ERO1B: variants seen among roughly 807,000 people sequenced by gnomAD.
The protein encoded by ERO1B is endoplasmic reticulum oxidoreductase 1 beta.
In ERO1B, 49 loss-of-function variants were observed where a neutral mutation model predicts 75.3. The ratio of observed to expected loss-of-function variants is 0.65; its 90% CI spans 0.52 to 0.83. The LOEUF (loss-of-function observed/expected upper bound fraction) is 0.83, where lower values mean the gene tolerates loss of function less well. Ranked by LOEUF, ERO1B falls within the 40% of genes least tolerant of loss-of-function variation. ERO1B has a pLI of 0.00. For missense variants in ERO1B, 512 were observed against 560.1 expected, an observed-to-expected ratio of 0.91 and a Z score of 0.87; for synonymous variants, 191 against 192.9, an observed-to-expected ratio of 0.99 and a Z score of 0.08.
chr1:236,276,364 AG>A (rs1447339108), intron 1 of ERO1B, among the ~76,000 whole-genome samples: 1 of 152,246 alleles, frequency 6.6e-6, no homozygotes, highest in African/African-American at 2.4e-5. Flanking sequence ...GATAAAGAGA[AG>A]AAAGAGTACA....
intron 8 of ERO1B, among the ~76,000 whole-genome samples, chr1:236,233,731 C>A (rs1558508606): frequency 6.6e-6 from 1 of 152,178 alleles, no homozygotes; most frequent in Non-Finnish European, 1.5e-5. Context: ...ATTATGCACA[C>A]AATCCTCTCT....
chr1:236,239,879 G>GTGTATA (rs1664651606), intron 6 of ERO1B, among the ~76,000 whole-genome samples: 1 of 43,456 alleles, frequency 2.3e-5, no homozygotes, highest in Admixed American at 2.6e-4. Flanking sequence ...ATGTGTATAT[G>GTGTATA]TGTGTGTGTG....
At chr1:236,246,909 T>C (rs1664898845) in intron 5 of ERO1B, among the ~76,000 whole-genome samples, 1 of 152,214 alleles carries the variant, frequency 6.6e-6, no homozygotes, top group African/African-American at 2.4e-5. Context: ...GAATAATTTC[T>C]GTTCAACAAC....
chr1:236,235,284 T>C (rs1462157001), intron 8 of ERO1B, among the ~76,000 whole-genome samples: 3 of 152,152 alleles, frequency 2.0e-5, no homozygotes, highest in Non-Finnish European at 2.9e-5. Flanking sequence ...TCCCAAGAAA[T>C]ACAGAATCAG....
chr1:236,219,299 C>G (rs1664075627), intron 15 of ERO1B, among the ~76,000 whole-genome samples: 2 of 152,140 alleles, frequency 1.3e-5, no homozygotes, highest in African/African-American at 4.8e-5. Flanking sequence ...GTTCATACCA[C>G]TACTAAAGGG....
At chr1:236,267,930 T>G (rs1665486263) in intron 2 of ERO1B, 1 of 151,630 alleles carries the variant, frequency 6.6e-6, no homozygotes, top group African/African-American at 2.4e-5. Flanking sequence ...GACCTGGTAT[T>G]GCAGTACTTC....
intron 6 of ERO1B, among the ~76,000 whole-genome samples, chr1:236,241,787 G>A (rs565964204): frequency 2.0e-5 from 3 of 151,658 alleles, no homozygotes; most frequent in African/African-American, 7.3e-5. Context: ...TAGTTAACAC[G>A]GCCAGGTGCA....
chr1:236,255,146 G>A (rs1459665928), intron 2 of ERO1B, among the ~76,000 whole-genome samples: 3 of 150,860 alleles, frequency 2.0e-5, no homozygotes, highest in Non-Finnish European at 4.4e-5. Context: ...ATGTTTCCCA[G>A]GTTGGGCTGG....
In ERO1B at chr1:236,253,439, C is replaced by T. The variant is rs763179842; in HGVS notation, c.289G>A (p.Val97Met). ...DGHCSIKDCH[V>M]EPCPESKIPV... Reference sequence around the variant, plus strand: ...TATTATACCTCTGGACAGGGCTCCACATGACAGTCTTTTATTGAACAGTGG... The same window carrying T: ...TATTATACCTCTGGACAGGGCTCCATATGACAGTCTTTTATTGAACAGTGG... Residue 97 changes from valine to methionine, a missense_variant, in exon 3 of 16, where the codon GTG (valine) becomes ATG (methionine). Coordinates refer to ENST00000354619, the MANE Select transcript of ERO1B (RefSeq NM_019891.4). 4.4e-6 allele frequency: 7 copies of T among 1,608,824 alleles called. No individual in the cohort carries two copies. The highest frequency in any genetic ancestry group is 5.1e-6 in the Non-Finnish European group (6 of 1,176,446).
chr1:236,222,925 G>T (rs1300277194), intron 13 of ERO1B, among the ~76,000 whole-genome samples: 1 of 152,158 alleles, frequency 6.6e-6, no homozygotes, highest in Non-Finnish European at 1.5e-5. Context: ...TCCCACACTG[G>T]TCAGGCAGGG....
rs540105402 is a variant in ERO1B at position 236,221,322 on chromosome 1, TA to T, written c.1210-358del. The stretch of plus-strand genomic sequence containing the variant: ...CAATTCAAAACTCAGAGATTATTGA[TA>T]CCCACACTTAATAATTTCTCAATTA... On this transcript the variant is annotated intron_variant, in intron 14 of 15. Coordinates refer to ENST00000354619, the MANE Select transcript of ERO1B (RefSeq NM_019891.4). Among the ~76,000 whole-genome samples the T allele has an allele frequency of 2.4e-3, 368 of 152,108 alleles. 3 individuals carry two copies. The highest frequency in any genetic ancestry group is 8.5e-3 in the African/African-American group (353 of 41,532).
intron 1 of ERO1B, among the ~76,000 whole-genome samples, chr1:236,272,310 A>G (rs1665609191): frequency 6.6e-6 from 1 of 152,168 alleles, no homozygotes. Flanking sequence ...TCACGTAGTC[A>G]AGTACCCATC....
chr1:236,256,866 A>C (rs1256457596), intron 2 of ERO1B, among the ~76,000 whole-genome samples: 1 of 152,116 alleles, frequency 6.6e-6, no homozygotes, highest in Non-Finnish European at 1.5e-5. Context: ...GAGAACAAAC[A>C]GGTGACTTTT....
intron 10 of ERO1B, among the ~76,000 whole-genome samples, chr1:236,229,459 A>C (rs1222938846): frequency 6.6e-6 from 1 of 152,122 alleles, no homozygotes; most frequent in African/African-American, 2.4e-5. Context: ...ATAAGATAAC[A>C]TGACCAATTG....
At chr1:236,265,846 T>C (rs1572064738) in intron 2 of ERO1B, among the ~76,000 whole-genome samples, 1 of 152,350 alleles carries the variant, frequency 6.6e-6, no homozygotes, top group South Asian at 2.1e-4. Flanking sequence ...GTATTCTACA[T>C]CTTTTCCCTG....
At chr1:236,221,046 T>A in intron 14 of ERO1B, 81 bp from the exon 15 acceptor site, 2 of 1,063,782 alleles carry the variant, frequency 1.9e-6, no homozygotes, top group African/African-American at 1.6e-5. Context: ...ATATAGCCAC[T>A]GTTATGCCAG....
intron 6 of ERO1B, among the ~76,000 whole-genome samples, chr1:236,241,387 T>TA (rs78165751): frequency 8.7e-5 from 13 of 149,156 alleles, no homozygotes; most frequent in Admixed American, 3.3e-4. Context: ...CTACTAAAAA[T>TA]AAAAAAAAAA....
intron 4 of ERO1B, 121 bp downstream of exon 4, chr1:236,251,929 G>A (rs1665039548): frequency 5.7e-6 from 4 of 707,028 alleles, no homozygotes; most frequent in African/African-American, 1.8e-5. Context: ...GGAATTCTGA[G>A]GCAAAATGTC....
At position 236,239,861 on chromosome 1, in the gene ERO1B, A is replaced by G. The variant is rs1185800485; in HGVS notation, c.506-3463T>C. Among the ~76,000 whole-genome samples the G allele has an allele frequency of 3.2e-3, 88 of 27,086 alleles. 1 individual carries two copies. Among genetic ancestry groups the G allele is most frequent in the Admixed American group, 5.1e-3 (9 of 1,752 alleles). 17.8% of individuals were successfully genotyped at this position (27,086 alleles called of 152,430 possible). The stretch of plus-strand genomic sequence containing the variant: ...TGTATATATATATGTGTATATATGT[A>G]TATATATATGTGTATATGTGTGTGT... On this transcript the variant is annotated intron_variant, in intron 6 of 15. Transcript: ENST00000354619.
Sources: gnomAD v4.1 joint callset for allele counts (sites outside exome capture counted in the v4.1 genomes callset) on GRCh38, gnomAD v4.1.1 for gene constraint, MANE v1.5 for transcripts, NCBI Gene and HGNC (gene_info 2026-07-23, HGNC 2026-07-21) for gene names.